The following TOLLIP variants were observed in gnomAD, a reference collection of about 807,000 sequenced individuals.
TOLLIP encodes toll-interacting protein.
In TOLLIP, 16 loss-of-function variants were observed where a neutral mutation model predicts 33.5. The observed-to-expected ratio is 0.48, with a 90% CI of 0.32 to 0.72. The LOEUF (loss-of-function observed/expected upper bound fraction) is 0.72, where lower values mean the gene tolerates loss of function less well. Among genes scored for constraint, TOLLIP ranks in the 30% least tolerant of loss-of-function variants. The probability of loss-of-function intolerance (pLI) is 0.03; values close to 1 mark genes in which losing one functional copy is unlikely to be tolerated. For missense variants in TOLLIP, 325 were observed against 396.6 expected (o/e 0.82, Z 1.53); for synonymous variants, 176 against 163.7 (o/e 1.07, Z -0.57).
chr11:1,287,439 C>G (rs1863760197), intron 4 of TOLLIP, among the ~76,000 whole-genome samples: 1 of 97,030 alleles, frequency 1.0e-5, no homozygotes, highest in African/African-American at 3.8e-5. Flanking sequence ...CCGCCGCAGC[C>G]TCCCCGCCGC....
At position 1,295,802 on chromosome 11, in the gene TOLLIP, G is replaced by A; in HGVS notation, c.34-8C>T. The A allele has an allele frequency of 6.5e-7, 1 of 1,548,758 alleles. No individual in the cohort carries two copies. Among genetic ancestry groups the A allele is most frequent in the Non-Finnish European group, 8.7e-7 (1 of 1,144,030 alleles). On this transcript the variant is annotated splice_region_variant and splice_polypyrimidine_tract_variant and intron_variant, in intron 1 of 5. Transcript: ENST00000317204. ...GAGCTCACCGATGTACACCTGCGGG[G>A]CCGGGGACCAGAGAGGCCAGTGAGT... is the stretch of plus-strand genomic sequence containing the variant.
chr11:1,284,320 G>T (rs972535712), intron 5 of TOLLIP, among the ~76,000 whole-genome samples: 1 of 151,806 alleles, frequency 6.6e-6, no homozygotes, highest in Non-Finnish European at 1.5e-5. Context: ...TCGGTGACGG[G>T]GTGCAGGTGC....
In TOLLIP at chr11:1,274,931, GCTTCTACAGTAAGCCA is replaced by G. The variant is rs1202981744; in HGVS notation, c.*2092_*2107del. On this transcript the variant is annotated 3_prime_UTR_variant, in exon 6 of 6. Coordinates refer to ENST00000317204, the MANE Select transcript of TOLLIP (RefSeq NM_019009.4). ...ACCGCTCGGAGGGGCTCAGCAAGCT[GCTTCTACAGTAAGCCA>G]CTTCTACAGTAAGCCTTCAAACAGG... 1 of 152,176 alleles carries G rather than the reference GCTTCTACAGTAAGCCA, an allele frequency of 6.6e-6. No individual in the cohort carries two copies. Among genetic ancestry groups the G allele is most frequent in the Non-Finnish European group, 1.5e-5 (1 of 68,032 alleles). The allele number at this position is 152,176 out of a possible 1,614,324, so 9.4% of individuals were successfully genotyped here.
At chr11:1,308,159 G>A (rs1428156252) in intron 1 of TOLLIP, among the ~76,000 whole-genome samples, 2 of 152,198 alleles carry the variant, frequency 1.3e-5, no homozygotes, top group African/African-American at 4.8e-5. Context: ...CTGTGTCCCC[G>A]CCAAATCTCA....
rs1206530700 is a variant in TOLLIP at position 1,278,037 on chromosome 11, G to A, written c.611-784C>T. Among the ~76,000 whole-genome samples the A allele has an allele frequency of 1.3e-5, 2 of 152,212 alleles. No homozygotes were observed. Among genetic ancestry groups the A allele is most frequent in the African/African-American group, 4.8e-5 (2 of 41,450 alleles). On this transcript the variant is annotated intron_variant, in intron 5 of 5. Transcript: ENST00000317204. The surrounding 1 kb of genome is among the most constrained non-coding windows in gnomAD (Gnocchi z 4.7). ...CTGATGCGGGAGGACACACTGAGAT[G>A]CAATCTATCGAGCAGGAGACGCACG...
intron 1 of TOLLIP, chr11:1,302,597 C>T (rs1265287017): frequency 4.1e-6 from 4 of 987,116 alleles, no homozygotes; most frequent in Non-Finnish European, 4.8e-6. Context: ...ACCCTGCAGC[C>T]CCTGGCACTC....
intron 2 of TOLLIP, among the ~76,000 whole-genome samples, chr11:1,295,154 G>A (rs1017622533): frequency 2.3e-4 from 35 of 152,178 alleles, no homozygotes; most frequent in African/African-American, 8.0e-4. Flanking sequence ...GATCAAAATC[G>A]GCGTTCAATC....
chr11:1,288,432 A>T (rs1863818786), intron 4 of TOLLIP, among the ~76,000 whole-genome samples, 192 bp downstream of exon 4: 1 of 152,230 alleles, frequency 6.6e-6, no homozygotes, highest in Non-Finnish European at 1.5e-5. Context: ...GGGCAGGAGC[A>T]GTGGGCAGGG....
At chr11:1,288,602 C>A (rs1863825708) in intron 4 of TOLLIP, 22 bp downstream of exon 4, 5 of 1,596,992 alleles carry the variant, frequency 3.1e-6, no homozygotes, top group Non-Finnish European at 4.3e-6. Context: ...TGCGCCCCAC[C>A]CCGCCCAGGC....
Position 1,286,033 on chromosome 11 carries a change from G to A in TOLLIP, c.579C>T (p.Tyr193=), listed in dbSNP as rs755652801. 3 of 1,599,282 alleles carry A rather than the reference G, an allele frequency of 1.9e-6. No individual in the cohort carries two copies. Among genetic ancestry groups the A allele is most frequent in the African/African-American group, 2.7e-5 (2 of 74,884 alleles). The change falls in exon 5 of 6, where the codon TAC becomes TAT. Residue 193 remains tyrosine, a synonymous_variant. Coordinates refer to ENST00000317204, the MANE Select transcript of TOLLIP (RefSeq NM_019009.4). ...TGGGCACATAGCCAACGCCCTGCTG[G>A]TACACTGTTGGCATCAGGACCACGG... ...PQPVVLMPTV[Y]QQGVGYVPIT...
intron 1 of TOLLIP, chr11:1,302,547 C>T: frequency 1.0e-6 from 1 of 982,494 alleles, no homozygotes; most frequent in Non-Finnish European, 1.2e-6. Flanking sequence ...CACCCACCAC[C>T]CTTCACAGCA....
At chr11:1,286,981 C>A (rs1863726483) in intron 4 of TOLLIP, among the ~76,000 whole-genome samples, 1 of 152,184 alleles carries the variant, frequency 6.6e-6, no homozygotes, top group African/African-American at 2.4e-5. Flanking sequence ...AGTCACTGCA[C>A]CGCGGTTGTC....
At chr11:1,302,826 A>G (rs1174114782) in intron 1 of TOLLIP, 6 of 982,158 alleles carry the variant, frequency 6.1e-6, no homozygotes, top group East Asian at 2.3e-4. Flanking sequence ...CAGTTCCCAC[A>G]TCCTCCTCCC....
rs1190206569 is a variant in TOLLIP, at chr11:1,277,853, C to T, written c.611-600G>A. Among the ~76,000 whole-genome samples the T allele has an allele frequency of 6.6e-6, 1 of 152,180 alleles. No individual in the cohort carries two copies. The highest frequency in any genetic ancestry group is 1.9e-4 in the East Asian group (1 of 5,198). On this transcript the variant is annotated intron_variant, in intron 5 of 5. Transcript: ENST00000317204. The surrounding 1 kb of genome is among the most constrained non-coding windows in gnomAD (Gnocchi z 4.2). ...CTGCAGCCGATGCCCAGAATGACAA[C>T]CCCACACACACATACAAACTACACC... is the stretch of plus-strand genomic sequence containing the variant.
Position 1,276,900 on chromosome 11 carries a change from G to C in TOLLIP, c.*139C>G. On this transcript the variant is annotated 3_prime_UTR_variant, in exon 6 of 6. Coordinates refer to ENST00000317204, the MANE Select transcript of TOLLIP (RefSeq NM_019009.4). ...CCACATGCACCCAAGAACAGGTGTG[G>C]ACGGGGCGGCACAGAAGTCCACGGG... 1 of 1,559,082 alleles carries C rather than the reference G, an allele frequency of 6.4e-7. No individual in the cohort carries two copies. Among genetic ancestry groups the C allele is most frequent in the Non-Finnish European group, 8.6e-7 (1 of 1,156,110 alleles).
intron 2 of TOLLIP, among the ~76,000 whole-genome samples, chr11:1,293,077 A>G (rs1864003943): frequency 6.6e-6 from 1 of 152,056 alleles, no homozygotes; most frequent in South Asian, 2.1e-4. Flanking sequence ...CCAGGCCTGG[A>G]CGGGCTGAAG....
In TOLLIP at chr11:1,295,757, A is replaced by G; in HGVS notation, c.71T>C (p.Ile24Thr). 1 of 1,600,984 alleles carries G rather than the reference A, an allele frequency of 6.2e-7. No homozygotes were observed. The highest frequency in any genetic ancestry group is 8.5e-7 in the Non-Finnish European group (1 of 1,174,072). The change falls in exon 2 of 6, where the codon ATC (isoleucine) becomes ACC (threonine). Residue 24 changes from isoleucine (I) to threonine (T), a missense_variant. Ile to Thr is a moderately conservative substitution (Grantham distance 89). Coordinates refer to ENST00000317204, the MANE Select transcript of TOLLIP (RefSeq NM_019009.4). ...CTGCCGCTGCTGCTGTGTGGGCGTGATGCGGAGGAAGTCCTGCGGGAGCTC... is the reference window on the plus strand; with the variant it reads ...CTGCCGCTGCTGCTGTGTGGGCGTGGTGCGGAGGAAGTCCTGCGGGAGCTC... ...IGELPQDFLR[I>T]TPTQQQRQVQ...
intron 1 of TOLLIP, among the ~76,000 whole-genome samples, chr11:1,300,917 C>T (rs776836443): frequency 6.6e-5 from 10 of 152,254 alleles, no homozygotes; most frequent in South Asian, 2.1e-4. Context: ...CACCCCATGA[C>T]GCTGCGAGGC....
In TOLLIP at chr11:1,277,855, CCA is replaced by C. The variant is rs151185390; in HGVS notation, c.611-604_611-603del. Among the ~76,000 whole-genome samples, 1 of 152,152 alleles carries C rather than the reference CCA, an allele frequency of 6.6e-6. No individual in the cohort carries two copies. The highest frequency in any genetic ancestry group is 1.5e-5 in the Non-Finnish European group (1 of 68,036). The stretch of plus-strand genomic sequence containing the variant: ...GCAGCCGATGCCCAGAATGACAACC[CCA>C]CACACACATACAAACTACACCAAGA... On this transcript the variant is annotated intron_variant, in intron 5 of 5. Coordinates refer to ENST00000317204, the MANE Select transcript of TOLLIP (RefSeq NM_019009.4). The surrounding 1 kb of genome is among the most constrained non-coding windows in gnomAD (Gnocchi z 4.2).
Sources: gnomAD v4.1 joint callset for allele counts (sites outside exome capture counted in the v4.1 genomes callset) on GRCh38, gnomAD v4.1.1 for gene constraint, Gnocchi (gnomAD v3.1) non-coding constraint, MANE v1.5 for transcripts, NCBI Gene and HGNC (gene_info 2026-07-23, HGNC 2026-07-21) for gene names.